Variants in ASTN2 observed in about 807,000 individuals in gnomAD.
ASTN2 encodes astrotactin-2.
In ASTN2, 54 loss-of-function variants were observed where a neutral mutation model predicts 139.8. That is an observed-to-expected ratio of 0.39 (90% confidence interval 0.31 to 0.48). The LOEUF is 0.48. Ranked by LOEUF, ASTN2 falls within the 20% of genes least tolerant of loss-of-function variation. The pLI, the probability that ASTN2 is intolerant of heterozygous loss-of-function variation, is 0.95. For synonymous variants in ASTN2, 756 were observed against 719.5 expected (o/e 1.05, Z -0.81); for missense variants, 1,565 against 1,725.1 (o/e 0.91, Z 1.64).
chr9:116,968,497 G>C (rs1017536729), intron 10 of ASTN2, among the ~76,000 whole-genome samples: 2 of 151,482 alleles, frequency 1.3e-5, no homozygotes, highest in Admixed American at 1.3e-4. Flanking sequence ...GCTGAAAAAA[G>C]AGAGAAAAGA....
At chr9:116,893,510 A>G (rs1361490775) in intron 10 of ASTN2, among the ~76,000 whole-genome samples, 2 of 152,158 alleles carry the variant, frequency 1.3e-5, no homozygotes, top group African/African-American at 2.4e-5. Context: ...TGCACAGGTC[A>G]CTGACTCTTC....
chr9:116,500,137 C>T (rs1588117365), intron 19 of ASTN2, among the ~76,000 whole-genome samples: 2 of 152,158 alleles, frequency 1.3e-5, no homozygotes, highest in South Asian at 4.1e-4. Context: ...CTCAGCCACC[C>T]ACACTGGTTA....
At chr9:117,197,616 C>A (rs1831549522) in intron 3 of ASTN2, among the ~76,000 whole-genome samples, 1 of 152,148 alleles carries the variant, frequency 6.6e-6, no homozygotes, top group South Asian at 2.1e-4. Context: ...CACTGATACA[C>A]ACACATCCAT....
At chr9:116,831,143 C>T (rs1355019353) in intron 11 of ASTN2, among the ~76,000 whole-genome samples, 4 of 152,206 alleles carry the variant, frequency 2.6e-5, no homozygotes, top group East Asian at 1.9e-4. Context: ...GCTAAACAAT[C>T]GGTACACCTG....
intron 2 of ASTN2, among the ~76,000 whole-genome samples, chr9:117,228,785 C>A (rs180973533): frequency 2.7e-4 from 41 of 152,098 alleles, no homozygotes; most frequent in African/African-American, 9.9e-4. Flanking sequence ...GAGGCCGAGG[C>A]GGGTGGATCA....
At chr9:116,688,871 A>C (rs561302864) in intron 16 of ASTN2, among the ~76,000 whole-genome samples, 30 of 148,312 alleles carry the variant, frequency 2.0e-4, no homozygotes, top group East Asian at 5.9e-4. Flanking sequence ...CAACAACAAC[A>C]ACCACCAGAA....
chr9:116,906,496 C>T (rs1200890931), intron 10 of ASTN2, among the ~76,000 whole-genome samples: 2 of 152,142 alleles, frequency 1.3e-5, no homozygotes, highest in African/African-American at 4.8e-5. Flanking sequence ...GGACAGAAGA[C>T]CCTTCTCTCA....
At chr9:116,867,549 CAAA>C (rs58222492) in intron 10 of ASTN2, among the ~76,000 whole-genome samples, 51 of 78,306 alleles carry the variant, frequency 6.5e-4, no homozygotes, top group African/African-American at 2.4e-3. Context: ...GACTCTGTCT[CAAA>C]AAAAAAAAAA....
intron 17 of ASTN2, among the ~76,000 whole-genome samples, chr9:116,635,674 G>A (rs1470155140): frequency 1.3e-5 from 2 of 152,146 alleles, no homozygotes; most frequent in African/African-American, 4.8e-5. Flanking sequence ...ATTGCCTGGT[G>A]TTCCCTCTGA....
intron 3 of ASTN2, chr9:117,180,850 C>A (rs957022369): frequency 9.6e-6 from 15 of 1,556,740 alleles, no homozygotes; most frequent in Admixed American, 1.7e-5. Context: ...CTTTGAGATG[C>A]GGATCTTCTG....
chr9:116,863,509 C>T (rs1407894193), intron 11 of ASTN2, 74 bp downstream of exon 11: 25 of 1,556,966 alleles, frequency 1.6e-5, no homozygotes, highest in South Asian at 6.1e-5. Flanking sequence ...AGCGTTCCCT[C>T]GCAGGGCAGG....
intron 10 of ASTN2, among the ~76,000 whole-genome samples, chr9:116,887,828 C>T (rs772399806): frequency 1.2e-4 from 18 of 151,976 alleles, no homozygotes; most frequent in Non-Finnish European, 2.2e-4. Flanking sequence ...CCACCACATC[C>T]AGCTAAGTTT....
At chr9:117,335,834 G>A (rs922365862) in intron 1 of ASTN2, among the ~76,000 whole-genome samples, 10 of 152,172 alleles carry the variant, frequency 6.6e-5, no homozygotes, top group Admixed American at 1.3e-4. Context: ...GTAGATTTAG[G>A]AATGAAATCC....
At chr9:116,645,502 C>T (rs118025264) in intron 17 of ASTN2, among the ~76,000 whole-genome samples, 2,934 of 152,162 alleles carry the variant, frequency 0.019, 43 homozygotes, top group Middle Eastern at 0.037. Flanking sequence ...AGCTAGGGTC[C>T]AATGGTCCCC....
intron 2 of ASTN2, among the ~76,000 whole-genome samples, chr9:117,217,562 T>A (rs1181463019): frequency 1.3e-5 from 2 of 152,216 alleles, no homozygotes; most frequent in African/African-American, 4.8e-5. Context: ...CATGATTTTA[T>A]CCAGGTTCTA....
chr9:116,521,252 A>G lies in ASTN2; in HGVS notation c.3356-33752T>C, dbSNP rs933440246. Among the ~76,000 whole-genome samples, 21 of 152,290 alleles carry G rather than the reference A, an allele frequency of 1.4e-4. No individual in the cohort carries two copies. In the South Asian group the frequency reaches 2.3e-3, roughly 17 times the overall value. On this transcript the variant is annotated intron_variant, in intron 19 of 22. Transcript: ENST00000313400. ...ACATTACCTGACTTCAAACTATACT[A>G]TAAGGCCATGGTCATCAAAACAGCA... is the stretch of plus-strand genomic sequence containing the variant.
chr9:117,214,411 G>C lies in ASTN2; in HGVS notation c.962C>G (p.Thr321Ser). 1.9e-6 allele frequency: 3 copies of C among 1,613,992 alleles called. No individual in the cohort carries two copies. Among genetic ancestry groups the C allele is most frequent in the Non-Finnish European group, 2.5e-6 (3 of 1,179,844 alleles). The change falls in exon 3 of 23, where the codon ACT (threonine) becomes AGT (serine). Residue 321 changes from threonine to serine, a missense_variant. By Grantham distance (58) the Thr-to-Ser change is moderately conservative (BLOSUM62 1). This residue lies in a region of ASTN2 where 596 missense variants were observed against 576.8 expected (regional missense o/e 1.03). Transcript: ENST00000313400. ...CCCTGGATGTCCCAGACTGTCCAGA[G>C]TGTGGGTCACCTGGCTGCCAAACTC... ...EDEFGSQVTHTLDSLGHPGEE... is the reference protein window; with the variant it reads ...EDEFGSQVTHSLDSLGHPGEE...
intron 3 of ASTN2, among the ~76,000 whole-genome samples, chr9:117,147,438 AACAC>A (rs35703147): frequency 1.3e-5 from 2 of 148,264 alleles, no homozygotes; most frequent in African/African-American, 2.5e-5. Context: ...TCTGACTCAA[AACAC>A]ACACACACAC....
rs1450890759 is a variant in ASTN2 at position 117,414,414 on chromosome 9, C to T, written c.442+83G>A. Reference sequence around the variant, plus strand: ...ACTCGGGGCAGCCCCGGGCAGGGATCCCCAGGGCGCCCCCACCCGTCCGGC... The same window carrying T: ...ACTCGGGGCAGCCCCGGGCAGGGATTCCCAGGGCGCCCCCACCCGTCCGGC... On this transcript the variant is annotated intron_variant, in intron 1 of 22. Transcript: ENST00000313400. This position sits in a 1 kb window ranked among gnomAD's most constrained non-coding sequence, Gnocchi z 4.2. The T allele has an allele frequency of 6.4e-7, 1 of 1,566,556 alleles. No individual in the cohort carries two copies.
Sources: allele counts gnomAD v4.1 joint callset (sites outside exome capture counted in the v4.1 genomes callset), GRCh38; gene constraint gnomAD v4.1.1; regional missense constraint gnomAD v4.1.1; non-coding constraint Gnocchi (gnomAD v3.1); transcripts MANE v1.5; gene names NCBI Gene and HGNC (gene_info 2026-07-23, HGNC 2026-07-21).